Variants in NEDD8 observed in about 807,000 individuals in gnomAD.
The protein encoded by NEDD8 is ubiquitin-like protein NEDD8.
Under a neutral mutation model 13.8 loss-of-function variants are expected in NEDD8, and 1 was observed. That is an observed-to-expected ratio of 0.07 (90% CI 0.03 to 0.34). The LOEUF (loss-of-function observed/expected upper bound fraction) is 0.34. Ranked by LOEUF, NEDD8 falls within the 10% of genes least tolerant of loss-of-function variation. The pLI, the probability that NEDD8 is intolerant of heterozygous loss-of-function variation, is 0.99. For synonymous variants in NEDD8, 31 were observed against 33.2 expected, an observed-to-expected ratio of 0.93 and a Z score of 0.23; for missense variants, 10 against 95.2, an observed-to-expected ratio of 0.10 and a Z score of 3.73.
At chr14:24,231,547 G>A (rs188230823) in intron 1 of NEDD8, 2 of 151,774 alleles carry the variant, frequency 1.3e-5, no homozygotes, top group East Asian at 1.9e-4. Flanking sequence ...ACAGCAGATA[G>A]GACTAACGAG....
intron 1 of NEDD8, among the ~76,000 whole-genome samples, chr14:24,219,993 G>C (rs1253892381): frequency 4.6e-5 from 7 of 152,156 alleles, no homozygotes; most frequent in Non-Finnish European, 7.4e-5. Flanking sequence ...TACAAAATTA[G>C]CCAGGCGTGG....
At position 24,225,433 on chromosome 14, in the gene NEDD8, G is replaced by T. The variant is rs115196946; in HGVS notation, c.18+6817C>A. On this transcript the variant is annotated intron_variant, in intron 1 of 3. Transcript: ENST00000250495. ...TAAATTTTTGGATGTAAAAATTACG[G>T]TTATGTTAGAAAAAAGGTTATCTTT... 3.0e-3 allele frequency among the ~76,000 whole-genome samples: 464 copies of T among 152,240 alleles called. 4 individuals are homozygous for T. Among genetic ancestry groups the T allele is most frequent in the African/African-American group, 0.011 (456 of 41,534 alleles).
rs190461080 is a variant in NEDD8 at position 24,232,352 on chromosome 14, T to A, written c.-85A>T. ...GCTGCCGCCCTCCAGCACTCTTGCCTGCAAGGGCCACTTCTACTTCCGGGT... is the reference window on the plus strand; with the variant it reads ...GCTGCCGCCCTCCAGCACTCTTGCCAGCAAGGGCCACTTCTACTTCCGGGT... On this transcript the variant is annotated 5_prime_UTR_variant, in exon 1 of 4. Coordinates refer to ENST00000250495, the MANE Select transcript of NEDD8 (RefSeq NM_006156.3). 83 of 1,354,034 alleles carry A rather than the reference T, an allele frequency of 6.1e-5. 1 individual carries two copies. In the East Asian group the frequency reaches 2.3e-3, roughly 37 times the overall value. The allele number at this position is 1,354,034 out of a possible 1,614,324, so 83.9% of individuals were successfully genotyped here.
At chr14:24,221,662 C>A (rs2138888270) in intron 1 of NEDD8, among the ~76,000 whole-genome samples, 1 of 152,236 alleles carries the variant, frequency 6.6e-6, no homozygotes, top group Admixed American at 6.5e-5. Context: ...ACGGCACAAT[C>A]TCAGCTCACC....
chr14:24,217,876 ATATTAC>A (rs1167846825), intron 3 of NEDD8: 1 of 406,346 alleles, frequency 2.5e-6, no homozygotes, highest in East Asian at 4.1e-5. Flanking sequence ...AAAAGTACAT[ATATTAC>A]TATATCACAA....
At chr14:24,217,321 G>A (rs1008762507) in intron 3 of NEDD8, 98 bp from the exon 4 acceptor site, 15 of 1,002,852 alleles carry the variant, frequency 1.5e-5, no homozygotes, top group African/African-American at 3.2e-5. Context: ...ACAGAGTCTC[G>A]CTCTGTCATC....
chr14:24,231,010 C>G (rs1351121802), intron 1 of NEDD8, among the ~76,000 whole-genome samples: 7 of 152,106 alleles, frequency 4.6e-5, no homozygotes, highest in South Asian at 4.1e-4. Context: ...CCATCTCGGC[C>G]TCCCGAATAG....
intron 1 of NEDD8, among the ~76,000 whole-genome samples, chr14:24,225,184 A>G (rs1272798449): frequency 4.0e-5 from 6 of 151,370 alleles, no homozygotes; most frequent in African/African-American, 1.5e-4. Context: ...AAAAAAAAAA[A>G]AAGAAAAAAA....
At chr14:24,217,481 G>C (rs1008740393) in intron 3 of NEDD8, among the ~76,000 whole-genome samples, 3 of 152,038 alleles carry the variant, frequency 2.0e-5, no homozygotes, top group South Asian at 2.1e-4. Flanking sequence ...GTAAAGATGG[G>C]GTTTCACCAT....
In NEDD8 at chr14:24,217,154, C is replaced by T. The variant is rs777415744; in HGVS notation, c.219G>A (p.Leu73=). The change falls in exon 4 of 4, where the codon CTG becomes CTA. Residue 73 remains leucine (L), a synonymous_variant. Transcript: ENST00000250495. ...ACTGCCTAAGACCACCTCCTCCTCT[C>T]AGAGCCAACACCAGGTGAAGGACTG... is the stretch of plus-strand genomic sequence containing the variant. ...GGSVLHLVLA[L]RGGGGLRQ The T allele has an allele frequency of 3.1e-6, 5 of 1,613,418 alleles. No homozygotes were observed. The highest frequency in any genetic ancestry group is 4.2e-6 in the Non-Finnish European group (5 of 1,179,780).
At chr14:24,229,652 T>C (rs1222700966) in intron 1 of NEDD8, among the ~76,000 whole-genome samples, 1 of 152,258 alleles carries the variant, frequency 6.6e-6, no homozygotes, top group Non-Finnish European at 1.5e-5. Context: ...TTGTGCCTTA[T>C]GGGTTGTGAC....
chr14:24,227,590 A>G (rs2039912878), intron 1 of NEDD8: 1 of 152,262 alleles, frequency 6.6e-6, no homozygotes, highest in South Asian at 2.1e-4. Flanking sequence ...GTAATTTTAA[A>G]TGACTCTAAA....
intron 1 of NEDD8, among the ~76,000 whole-genome samples, chr14:24,229,564 C>A (rs529244542): frequency 2.0e-4 from 30 of 152,302 alleles, no homozygotes; most frequent in African/African-American, 6.0e-4. Context: ...CATCAGTGGG[C>A]AGGTCTCAAC....
At chr14:24,220,067 A>C (rs887130268) in intron 1 of NEDD8, among the ~76,000 whole-genome samples, 1 of 152,242 alleles carries the variant, frequency 6.6e-6, no homozygotes, top group Non-Finnish European at 1.5e-5. Flanking sequence ...TGAACCCAGG[A>C]GGCAGAAGTT....
Position 24,217,242 on chromosome 14 carries a change from A to C in NEDD8, c.150-19T>G, listed in dbSNP as rs776892425. ...ATCATTCCTGCAGGAAAAGGAAGCC[A>C]GAAAAAAAAGAAAAAGAAGACTTAG... On this transcript the variant is annotated intron_variant, in intron 3 of 3. Transcript: ENST00000250495. 6.3e-6 allele frequency: 10 copies of C among 1,576,362 alleles called. No individual in the cohort carries two copies. The highest frequency in any genetic ancestry group is 8.6e-6 in the Non-Finnish European group (10 of 1,159,724).
At position 24,232,317 on chromosome 14, in the gene NEDD8, T is replaced by A. The variant is rs901793409; in HGVS notation, c.-50A>T. 17 of 1,568,310 alleles carry A rather than the reference T, an allele frequency of 1.1e-5. No individual in the cohort carries two copies. The highest frequency in any genetic ancestry group is 1.5e-5 in the Non-Finnish European group (17 of 1,155,778). The stretch of plus-strand genomic sequence containing the variant: ...ACGGATAAATTGCTGCTCCTACCGC[T>A]CCGGTCGCCGCTGCCGCCCTCCAGC... On this transcript the variant is annotated 5_prime_UTR_variant, in exon 1 of 4. Coordinates refer to ENST00000250495, the MANE Select transcript of NEDD8 (RefSeq NM_006156.3).
At chr14:24,221,493 T>C (rs779636631) in intron 1 of NEDD8, among the ~76,000 whole-genome samples, 5 of 152,136 alleles carry the variant, frequency 3.3e-5, no homozygotes, top group Non-Finnish European at 5.9e-5. Flanking sequence ...TTGCCCAGGC[T>C]GGTCTCGAAC....
intron 1 of NEDD8, 59 bp downstream of exon 1, chr14:24,232,191 T>A (rs940877515): frequency 2.5e-6 from 4 of 1,612,448 alleles, no homozygotes; most frequent in South Asian, 1.1e-5. Context: ...ACGTCTCCCG[T>A]AAGGCACTGC....
intron 1 of NEDD8, among the ~76,000 whole-genome samples, chr14:24,221,982 A>T (rs923330293): frequency 2.6e-5 from 4 of 152,230 alleles, no homozygotes; most frequent in African/African-American, 9.6e-5. Flanking sequence ...TTATATTTTT[A>T]AAAAGGATTA....
Sources: gnomAD v4.1 joint callset for allele counts (sites outside exome capture counted in the v4.1 genomes callset) on GRCh38, gnomAD v4.1.1 for gene constraint, MANE v1.5 for transcripts, NCBI Gene and HGNC (gene_info 2026-07-23, HGNC 2026-07-21) for gene names.